ATG16L1: variants seen among roughly 807,000 people sequenced by gnomAD.
ATG16L1 encodes autophagy-related protein 16-1.
Under a neutral mutation model 88.5 loss-of-function variants are expected in ATG16L1, and 37 were observed. The observed-to-expected ratio is 0.42, with a 90% CI of 0.32 to 0.55. The LOEUF (loss-of-function observed/expected upper bound fraction) is 0.55. Among genes scored for constraint, ATG16L1 ranks in the 20% least tolerant of loss-of-function variants. The pLI is 0.13. For synonymous variants in ATG16L1, 301 were observed against 281.0 expected (o/e 1.07, Z -0.71); for missense variants, 554 against 752.8 (o/e 0.74, Z 3.09).
At chr2:233,269,901 A>C in intron 5 of ATG16L1, 101 bp from the exon 6 acceptor site, 1 of 1,173,036 alleles carries the variant, frequency 8.5e-7, no homozygotes. Context: ...TTTTACATGC[A>C]CTGAATGTGT....
chr2:233,264,012 C>A lies in ATG16L1; in HGVS notation c.336C>A (p.Asp112Glu). 1 of 1,614,010 alleles carries A rather than the reference C, an allele frequency of 6.2e-7. No individual in the cohort carries two copies. Among genetic ancestry groups the A allele is most frequent in the Non-Finnish European group, 8.5e-7 (1 of 1,179,908 alleles). ...KRGELAQLVI[D>E]LNNQMQRKDR... Reference sequence around the variant, plus strand: ...CCCAGTTAGCTCAACTGGTGATTGACCTGAATAACCAAATGCAGCGGAAGG... The same window carrying A: ...CCCAGTTAGCTCAACTGGTGATTGAACTGAATAACCAAATGCAGCGGAAGG... The change falls in exon 4 of 18, where the codon GAC becomes GAA. Residue 112 changes from aspartate (D) to glutamate (E), a missense_variant. Transcript: ENST00000392017.
intron 14 of ATG16L1, 106 bp downstream of exon 14, chr2:233,290,459 T>G: frequency 3.4e-6 from 3 of 879,118 alleles, no homozygotes; most frequent in Non-Finnish European, 5.7e-6. Context: ...GAAATGAGTT[T>G]CGGTACACGT....
rs750544059 is a variant in ATG16L1 at position 233,273,736 on chromosome 2, G to A, written c.810G>A (p.Gln270=). The A allele has an allele frequency of 3.9e-5, 63 of 1,614,094 alleles. No homozygotes were observed. The highest frequency in any genetic ancestry group is 4.1e-5 in the Non-Finnish European group (48 of 1,180,040). ...ISRAATKRLS[Q]PAGGLLDSIT... Reference sequence around the variant, plus strand: ...TCCTCTTTAGTAAGCGACTCTCGCAGCCTGCTGGAGGCCTTCTGGATTCTA... The same window carrying A: ...TCCTCTTTAGTAAGCGACTCTCGCAACCTGCTGGAGGCCTTCTGGATTCTA... The change falls in exon 8 of 18, where the codon CAG becomes CAA. Residue 270 remains glutamine (Q), a synonymous_variant. Coordinates refer to ENST00000392017, the MANE Select transcript of ATG16L1 (RefSeq NM_030803.7).
intron 2 of ATG16L1, among the ~76,000 whole-genome samples, chr2:233,259,139 A>G (rs1001398420): frequency 1.6e-4 from 24 of 152,156 alleles, no homozygotes; most frequent in Non-Finnish European, 2.9e-4. Flanking sequence ...ACAGGTCTCA[A>G]ATCCACCTCC....
chr2:233,263,848 C>A, intron 3 of ATG16L1, 144 bp from the exon 4 acceptor site: 1 of 651,462 alleles, frequency 1.5e-6, no homozygotes, highest in East Asian at 3.0e-5. Context: ...GATAGTTCCC[C>A]TTTGTGTCCC....
chr2:233,260,614 C>T (rs1213720929), intron 2 of ATG16L1, among the ~76,000 whole-genome samples: 2 of 152,190 alleles, frequency 1.3e-5, no homozygotes, highest in African/African-American at 4.8e-5. Flanking sequence ...CTTGCCGAAG[C>T]ACTTTAGGGG....
intron 13 of ATG16L1, 29 bp downstream of exon 13, chr2:233,290,003 T>G: frequency 6.2e-7 from 1 of 1,610,650 alleles, no homozygotes; most frequent in Non-Finnish European, 8.5e-7. Context: ...TCTGTCTGTG[T>G]ATATGCTTAG....
chr2:233,258,706 G>T lies in ATG16L1; in HGVS notation c.209+2511G>T, dbSNP rs549328344. Reference sequence around the variant, plus strand: ...CTTTTGGCTAAATTTCACTGGGATAGACTTTTTTGAGGCAGGGTCTCTCTC... The same window carrying T: ...CTTTTGGCTAAATTTCACTGGGATATACTTTTTTGAGGCAGGGTCTCTCTC... On this transcript the variant is annotated intron_variant, in intron 2 of 17. Coordinates refer to ENST00000392017, the MANE Select transcript of ATG16L1 (RefSeq NM_030803.7). Among the ~76,000 whole-genome samples the T allele has an allele frequency of 9.9e-5, 15 of 152,268 alleles. No individual in the cohort carries two copies. In the East Asian group the frequency reaches 2.9e-3, roughly 29 times the overall value.
At chr2:233,268,172 AGGGCT>A (rs1003682898) in intron 5 of ATG16L1, among the ~76,000 whole-genome samples, 11 of 152,290 alleles carry the variant, frequency 7.2e-5, no homozygotes, top group African/African-American at 2.6e-4. Flanking sequence ...AGATGCACTC[AGGGCT>A]GGGCACGGTG....
intron 16 of ATG16L1, among the ~76,000 whole-genome samples, chr2:233,292,644 C>CA (rs1699540483): frequency 6.6e-6 from 1 of 152,130 alleles, no homozygotes; most frequent in African/African-American, 2.4e-5. Context: ...CGTGTTGTAC[C>CA]AAAAAATAAC....
intron 8 of ATG16L1, 148 bp from the exon 9 acceptor site, chr2:233,274,528 T>G: frequency 1.8e-6 from 1 of 563,780 alleles, no homozygotes; most frequent in Non-Finnish European, 3.1e-6. Flanking sequence ...TTTTGTGAAT[T>G]GTTCTGTAGT....
chr2:233,290,212 C>G, intron 13 of ATG16L1, 36 bp from the exon 14 acceptor site: 1 of 1,600,398 alleles, frequency 6.2e-7, no homozygotes, highest in Non-Finnish European at 8.6e-7. Context: ...CACGTTGGTG[C>G]CTCTGCTTGA....
Position 233,295,386 on chromosome 2 carries a change from G to C in ATG16L1, c.*1036G>C, listed in dbSNP as rs563657490. 1.3e-5 allele frequency: 2 copies of C among 152,884 alleles called. No homozygotes were observed. Among genetic ancestry groups the C allele is most frequent in the Admixed American group, 1.3e-4 (2 of 15,298 alleles). 9.5% of individuals were successfully genotyped at this position (152,884 alleles called of 1,614,324 possible). ...CACCCTTTTTATCACTTTTAAATTT[G>C]CACTTTATTTTTTTTCTTCCATGCT... On this transcript the variant is annotated 3_prime_UTR_variant, in exon 18 of 18. Coordinates refer to ENST00000392017, the MANE Select transcript of ATG16L1 (RefSeq NM_030803.7).
chr2:233,279,490 C>G (rs1698583498), intron 10 of ATG16L1, among the ~76,000 whole-genome samples: 1 of 152,198 alleles, frequency 6.6e-6, no homozygotes, highest in Admixed American at 6.5e-5. Flanking sequence ...GCATTTCTTA[C>G]AGTTTTGTGT....
chr2:233,264,212 A>T, intron 4 of ATG16L1, 147 bp downstream of exon 4: 3 of 686,418 alleles, frequency 4.4e-6, no homozygotes, highest in Non-Finnish European at 7.5e-6. Context: ...ACACTCTGGG[A>T]TCCTTTTCTA....
At chr2:233,288,843 A>C (rs1314740158) in intron 12 of ATG16L1, 1 of 519,202 alleles carries the variant, frequency 1.9e-6, no homozygotes, top group Admixed American at 1.9e-5. Context: ...AGCTCAGGGA[A>C]GACACTGGTT....
intron 8 of ATG16L1, 44 bp downstream of exon 8, chr2:233,273,821 C>A: frequency 6.3e-7 from 1 of 1,588,332 alleles, no homozygotes. Context: ...ATAAGTATAC[C>A]TAAGTATATG....
chr2:233,276,464 G>A (rs1036686000), intron 9 of ATG16L1, among the ~76,000 whole-genome samples: 13 of 151,934 alleles, frequency 8.6e-5, no homozygotes, highest in Admixed American at 8.5e-4. Context: ...TGAATTTTTC[G>A]ATTATTCCCT....
At chr2:233,262,712 T>C (rs1697302579) in intron 2 of ATG16L1, among the ~76,000 whole-genome samples, 1 of 152,180 alleles carries the variant, frequency 6.6e-6, no homozygotes, top group South Asian at 2.1e-4. Context: ...CTTCTTGTGC[T>C]TGAGTTTTCT....
Sources: gnomAD v4.1 joint callset for allele counts (sites outside exome capture counted in the v4.1 genomes callset) on GRCh38, gnomAD v4.1.1 for gene constraint, MANE v1.5 for transcripts, NCBI Gene and HGNC (gene_info 2026-07-23, HGNC 2026-07-21) for gene names.